CTNNA2: variants seen among roughly 807,000 people sequenced by gnomAD.
The protein encoded by CTNNA2 is catenin alpha 2, also known as catenin alpha-2.
CTNNA2 carries 42 observed loss-of-function variants against 101.0 expected under a neutral mutation model. That is an observed-to-expected ratio of 0.42 (90% CI 0.32 to 0.54). CTNNA2 has a LOEUF of 0.54. Among genes scored for constraint, CTNNA2 ranks in the 20% least tolerant of loss-of-function variants. The pLI is 0.14. For synonymous variants in CTNNA2, 450 were observed against 456.4 expected (o/e 0.99, Z 0.18); for missense variants, 871 against 1,223.1 (o/e 0.71, Z 4.29).
intron 2 of CTNNA2, among the ~76,000 whole-genome samples, chr2:79,713,883 A>T (rs547277667): frequency 6.6e-6 from 1 of 152,118 alleles, no homozygotes; most frequent in African/African-American, 2.4e-5. Flanking sequence ...CAAGAATTTA[A>T]ATTCTACCTA....
At chr2:79,559,512 G>C (rs980060679) in intron 1 of CTNNA2, among the ~76,000 whole-genome samples, 4 of 151,970 alleles carry the variant, frequency 2.6e-5, no homozygotes, top group Admixed American at 6.6e-5. Context: ...CAGAGACATA[G>C]TTGAGTAAAC....
intron 3 of CTNNA2, among the ~76,000 whole-genome samples, chr2:79,762,862 C>T (rs1573905368): frequency 6.6e-6 from 1 of 152,120 alleles, no homozygotes; most frequent in Non-Finnish European, 1.5e-5. Flanking sequence ...ATATCTCATG[C>T]ATTTACACAA....
At chr2:79,234,466 AT>A (rs1235550144) in intron 2 of CTNNA2, among the ~76,000 whole-genome samples, 1 of 151,648 alleles carries the variant, frequency 6.6e-6, no homozygotes, top group Non-Finnish European at 1.5e-5. Flanking sequence ...TGCCTTGAAG[AT>A]TTTTTCTTTT....
intron 1 of CTNNA2, among the ~76,000 whole-genome samples, chr2:79,606,548 G>A (rs1022851921): frequency 9.9e-5 from 15 of 152,030 alleles, no homozygotes; most frequent in Non-Finnish European, 1.8e-4. Flanking sequence ...GATTACAGGC[G>A]TGAGCCACCA....
intron 7 of CTNNA2, among the ~76,000 whole-genome samples, chr2:80,095,407 GTATTT>G (rs1219280337): frequency 1.3e-5 from 2 of 152,202 alleles, no homozygotes; most frequent in Non-Finnish European, 2.9e-5. Context: ...CAGTTTGCCA[GTATTT>G]TATTGAGGAT....
intron 7 of CTNNA2, among the ~76,000 whole-genome samples, chr2:80,195,440 A>G (rs1706767883): frequency 6.6e-6 from 1 of 152,192 alleles, no homozygotes; most frequent in African/African-American, 2.4e-5. Context: ...TAAAATAAAC[A>G]ATTCCATGTG....
At chr2:79,200,752 C>T (rs1445841360) in intron 2 of CTNNA2, among the ~76,000 whole-genome samples, 1 of 152,082 alleles carries the variant, frequency 6.6e-6, no homozygotes, top group African/African-American at 2.4e-5. Flanking sequence ...TACAAACACA[C>T]AGGCACACAT....
chr2:80,069,759 A>G (rs982753643), intron 7 of CTNNA2, among the ~76,000 whole-genome samples: 5 of 152,314 alleles, frequency 3.3e-5, no homozygotes, highest in Middle Eastern at 6.8e-3. Context: ...TACTCATGTC[A>G]GTGACAGTCC....
intron 1 of CTNNA2, chr2:79,523,359 A>G: frequency 6.0e-6 from 2 of 332,644 alleles, no homozygotes; most frequent in Non-Finnish European, 1.2e-5. Context: ...AAATGGTAAC[A>G]TGATGTTCTA....
intron 7 of CTNNA2, among the ~76,000 whole-genome samples, chr2:80,073,410 C>T (rs916721964): frequency 3.9e-5 from 6 of 152,036 alleles, no homozygotes; most frequent in Admixed American, 3.9e-4. Context: ...CACTGGGCAG[C>T]ACAGCAGGGG....
chr2:79,887,429 CA>C (rs1683965662), intron 6 of CTNNA2, among the ~76,000 whole-genome samples: 1 of 152,138 alleles, frequency 6.6e-6, no homozygotes, highest in African/African-American at 2.4e-5. Context: ...TGAGAAATTT[CA>C]GTCATTTTTT....
At chr2:80,618,902 C>T (rs182597953) in intron 17 of CTNNA2, 183 bp from the exon 18 acceptor site, 36 of 402,814 alleles carry the variant, frequency 8.9e-5, no homozygotes, top group African/African-American at 4.3e-4. Flanking sequence ...ATGGCCAGGC[C>T]GCTTAATGTC....
intron 7 of CTNNA2, among the ~76,000 whole-genome samples, chr2:80,111,104 A>G (rs1701184421): frequency 6.6e-6 from 1 of 152,142 alleles, no homozygotes; most frequent in South Asian, 2.1e-4. Context: ...TCATTATCAC[A>G]AAAACAGGAG....
At chr2:80,360,336 T>C (rs1014001385) in intron 7 of CTNNA2, among the ~76,000 whole-genome samples, 1 of 152,102 alleles carries the variant, frequency 6.6e-6, no homozygotes. Context: ...AAATACATAG[T>C]ATAGAGAGAT....
chr2:80,371,023 T>A (rs953365080), intron 7 of CTNNA2, among the ~76,000 whole-genome samples: 1 of 151,804 alleles, frequency 6.6e-6, no homozygotes, highest in Non-Finnish European at 1.5e-5. Flanking sequence ...GGAAACAGCA[T>A]GGCCTGATTT....
At chr2:79,535,261 G>A (rs1672985262) in intron 1 of CTNNA2, among the ~76,000 whole-genome samples, 1 of 151,802 alleles carries the variant, frequency 6.6e-6, no homozygotes, top group South Asian at 2.1e-4. Flanking sequence ...CTGGAGTTCA[G>A]TGGTGCAATC....
intron 7 of CTNNA2, among the ~76,000 whole-genome samples, chr2:80,300,804 C>T (rs1215926377): frequency 6.6e-6 from 1 of 152,118 alleles, no homozygotes; most frequent in African/African-American, 2.4e-5. Flanking sequence ...GTCCAATGCA[C>T]ACAGCCTTCC....
intron 7 of CTNNA2, among the ~76,000 whole-genome samples, chr2:80,268,882 C>G (rs1673224137): frequency 6.6e-6 from 1 of 152,148 alleles, no homozygotes; most frequent in South Asian, 2.1e-4. Flanking sequence ...AGTCAGGATG[C>G]TGGAAGTGCT....
chr2:80,622,122 C>T (rs1345365126), intron 18 of CTNNA2, among the ~76,000 whole-genome samples: 1 of 151,806 alleles, frequency 6.6e-6, no homozygotes, highest in Non-Finnish European at 1.5e-5. Flanking sequence ...TTTCTGAACC[C>T]CTTTCCCCTA....
Sources: gnomAD v4.1 joint callset for allele counts (sites outside exome capture counted in the v4.1 genomes callset) on GRCh38, gnomAD v4.1.1 for gene constraint, MANE v1.5 for transcripts, NCBI Gene and HGNC (gene_info 2026-07-23, HGNC 2026-07-21) for gene names.